Variants in WDFY4 observed in about 807,000 individuals in gnomAD.
WDFY4 encodes the protein WD repeat- and FYVE domain-containing protein 4.
WDFY4 carries 169 observed loss-of-function variants against 351.9 expected under a neutral mutation model. The ratio of observed to expected loss-of-function variants is 0.48; its 90% CI spans 0.42 to 0.55. The LOEUF (loss-of-function observed/expected upper bound fraction) is 0.55, where lower values mean the gene tolerates loss of function less well. Ranked by LOEUF, WDFY4 falls within the 20% of genes least tolerant of loss-of-function variation. The pLI, the probability that WDFY4 is intolerant of heterozygous loss-of-function variation, is 0.00. For synonymous variants in WDFY4, 1,622 were observed against 1,574.6 expected (o/e 1.03, Z -0.71); for missense variants, 3,803 against 3,935.6 (o/e 0.97, Z 0.90).
intron 13 of WDFY4, among the ~76,000 whole-genome samples, chr10:48,771,347 G>A (rs1009006208): frequency 6.6e-6 from 1 of 152,154 alleles, no homozygotes; most frequent in Non-Finnish European, 1.5e-5. Flanking sequence ...CGCGTGGAGA[G>A]GAGATGGTGG....
intron 12 of WDFY4, among the ~76,000 whole-genome samples, chr10:48,750,505 T>G (rs138047847): frequency 6.6e-6 from 1 of 152,338 alleles, no homozygotes; most frequent in African/African-American, 2.4e-5. Context: ...TTGTCTAGGT[T>G]TAGATGTCAC....
At chr10:48,938,242 T>C (rs1339007580) in intron 47 of WDFY4, among the ~76,000 whole-genome samples, 5 of 152,242 alleles carry the variant, frequency 3.3e-5, no homozygotes, top group South Asian at 4.1e-4. Flanking sequence ...GATTTTGAGA[T>C]GTGTCTGCAT....
intron 24 of WDFY4, among the ~76,000 whole-genome samples, chr10:48,801,090 G>C (rs2067074132): frequency 6.6e-6 from 1 of 152,132 alleles, no homozygotes; most frequent in East Asian, 1.9e-4. Flanking sequence ...GTCATCTCAG[G>C]GGTGGGGAGA....
At chr10:48,723,308 G>A in intron 4 of WDFY4, 125 bp from the exon 5 acceptor site, 1 of 1,227,778 alleles carries the variant, frequency 8.1e-7, no homozygotes, top group Non-Finnish European at 1.1e-6. Context: ...CACACTTGAG[G>A]ACTGGAGCCC....
chr10:48,753,992 C>G (rs146527427), intron 12 of WDFY4, among the ~76,000 whole-genome samples: 177 of 151,566 alleles, frequency 1.2e-3, no homozygotes, highest in African/African-American at 3.7e-3. Context: ...GAGATTTTGT[C>G]AAATGCTCTT....
intron 2 of WDFY4, among the ~76,000 whole-genome samples, chr10:48,717,349 TA>T (rs1424570261): frequency 6.6e-6 from 1 of 152,214 alleles, no homozygotes; most frequent in East Asian, 1.9e-4. Context: ...CCCGCTACTT[TA>T]AAAAAATTTA....
At chr10:48,848,472 G>A (rs1463020662) in intron 39 of WDFY4, among the ~76,000 whole-genome samples, 1 of 152,222 alleles carries the variant, frequency 6.6e-6, no homozygotes, top group Admixed American at 6.5e-5. Context: ...GTGGGAGTAA[G>A]AGCAGGAGCT....
At chr10:48,823,880 A>G in intron 35 of WDFY4, 1 of 985,840 alleles carries the variant, frequency 1.0e-6, no homozygotes, top group East Asian at 1.1e-4. Flanking sequence ...GGAGAGGAAC[A>G]TGATAAAGAA....
chr10:48,897,589 T>C lies in WDFY4; in HGVS notation c.7437+15T>C. Reference sequence around the variant, plus strand: ...TCCTCCTGCAGGTAAGCACACTGGGTGCTGGCACGCCTGGGGCCTGCGAGA... The same window carrying C: ...TCCTCCTGCAGGTAAGCACACTGGGCGCTGGCACGCCTGGGGCCTGCGAGA... On this transcript the variant is annotated intron_variant, in intron 45 of 61. Coordinates refer to ENST00000325239, the MANE Select transcript of WDFY4 (RefSeq NM_001394531.1). 1 of 1,542,414 alleles carries C rather than the reference T, an allele frequency of 6.5e-7. No individual in the cohort carries two copies. The highest frequency in any genetic ancestry group is 8.7e-7 in the Non-Finnish European group (1 of 1,146,092).
intron 39 of WDFY4, among the ~76,000 whole-genome samples, chr10:48,843,984 G>A (rs781611641): frequency 1.1e-4 from 16 of 152,352 alleles, no homozygotes; most frequent in Non-Finnish European, 2.1e-4. Flanking sequence ...GCCGTGGAGG[G>A]GAGAATCAGT....
At chr10:48,709,646 C>A in intron 1 of WDFY4, 70 bp from the exon 2 acceptor site, 2 of 1,371,170 alleles carry the variant, frequency 1.5e-6, no homozygotes, top group Non-Finnish European at 2.0e-6. Context: ...AGTACAGTAC[C>A]TTATCCACAG....
intron 51 of WDFY4, among the ~76,000 whole-genome samples, chr10:48,953,584 T>C (rs1271391257): frequency 6.6e-6 from 1 of 152,196 alleles, no homozygotes; most frequent in Non-Finnish European, 1.5e-5. Context: ...ATCAACAGGG[T>C]CCTGTAAGTG....
intron 39 of WDFY4, among the ~76,000 whole-genome samples, chr10:48,866,218 A>C (rs1412875840): frequency 1.3e-5 from 2 of 151,988 alleles, no homozygotes; most frequent in Admixed American, 6.6e-5. Flanking sequence ...TAATATTGGC[A>C]TTTATAACTA....
At chr10:48,790,104 CGGGAGGACCAGAGTT>C in intron 22 of WDFY4, 119 bp downstream of exon 22, 1 of 971,496 alleles carries the variant, frequency 1.0e-6, no homozygotes, top group South Asian at 1.4e-5. Flanking sequence ...GAACCAGGGT[CGGGAGGACCAGAGTT>C]GGGAGTGAAT....
At chr10:48,881,990 A>G (rs2070269588) in intron 43 of WDFY4, among the ~76,000 whole-genome samples, 1 of 152,220 alleles carries the variant, frequency 6.6e-6, no homozygotes, top group Non-Finnish European at 1.5e-5. Flanking sequence ...TCTGAAGGCA[A>G]GGAGAGACTT....
Position 48,969,122 on chromosome 10 carries a change from C to T in WDFY4, c.8643C>T (p.Val2881=). The part of the protein sequence containing the change: ...ESPKGAIGHI[V]STEKTILAVE... ...CCAAAGGGGCCATTGGCCACATTGT[C>T]TCTACTGAGAAGACCATTCTGGCTG... is the stretch of plus-strand genomic sequence containing the variant. Residue 2881 remains valine, a synonymous_variant, in exon 56 of 62, where the codon GTC becomes GTT. Transcript: ENST00000325239. The T allele has an allele frequency of 1.3e-6, 2 of 1,551,776 alleles. No homozygotes were observed. Among genetic ancestry groups the T allele is most frequent in the Non-Finnish European group, 1.7e-6 (2 of 1,146,984 alleles).
At chr10:48,784,995 C>G (rs201166869) in intron 19 of WDFY4, among the ~76,000 whole-genome samples, 38 of 151,338 alleles carry the variant, frequency 2.5e-4, no homozygotes, top group Non-Finnish European at 4.4e-5. Context: ...GTAGCTGGGA[C>G]TACAGGCACC....
rs188070643 is a variant in WDFY4, at chr10:48,824,413, A to T, written c.5982+1876A>T. Among the ~76,000 whole-genome samples the T allele has an allele frequency of 1.6e-3, 240 of 152,382 alleles. 1 individual carries two copies. Among genetic ancestry groups the T allele is most frequent in the Admixed American group, 6.5e-3 (100 of 15,314 alleles). On this transcript the variant is annotated intron_variant, in intron 35 of 61. Coordinates refer to ENST00000325239, the MANE Select transcript of WDFY4 (RefSeq NM_001394531.1). ...ATGACACATAGCTATTTTTTAAATTAGATACTACTAATAGCATGTTCTCAT... is the reference window on the plus strand; with the variant it reads ...ATGACACATAGCTATTTTTTAAATTTGATACTACTAATAGCATGTTCTCAT...
At chr10:48,798,463 G>T (rs940577042) in intron 24 of WDFY4, among the ~76,000 whole-genome samples, 1 of 152,146 alleles carries the variant, frequency 6.6e-6, no homozygotes, top group East Asian at 1.9e-4. Flanking sequence ...TACCACAGAA[G>T]AATGAGCAAT....
Sources: allele counts gnomAD v4.1 joint callset (sites outside exome capture counted in the v4.1 genomes callset), GRCh38; gene constraint gnomAD v4.1.1; transcripts MANE v1.5; gene names NCBI Gene and HGNC (gene_info 2026-07-23, HGNC 2026-07-21).